Variants in PTPRZ1 observed in about 807,000 individuals in gnomAD.
PTPRZ1 encodes protein tyrosine phosphatase receptor type Z1, also known as receptor-type tyrosine-protein phosphatase zeta.
In PTPRZ1, 82 loss-of-function variants were observed where a neutral mutation model predicts 214.1. The ratio of observed to expected loss-of-function variants is 0.38; its 90% CI spans 0.32 to 0.46. PTPRZ1 has a LOEUF of 0.46. Ranked by LOEUF, PTPRZ1 falls within the 20% of genes least tolerant of loss-of-function variation. The probability of loss-of-function intolerance (pLI) is 1.00; values close to 1 mark genes in which losing one functional copy is unlikely to be tolerated. For missense variants in PTPRZ1, 2,603 were observed against 2,748.7 expected (o/e 0.95, Z 1.19); for synonymous variants, 945 against 987.9 (o/e 0.96, Z 0.81).
chr7:121,928,128 C>T, intron 1 of PTPRZ1, 28 bp from the exon 2 acceptor site: 1 of 1,527,810 alleles, frequency 6.5e-7, no homozygotes, highest in East Asian at 2.3e-5. Flanking sequence ...TTTCTACATA[C>T]TGATTACTTG....
At chr7:121,908,036 T>C (rs374418638) in intron 1 of PTPRZ1, among the ~76,000 whole-genome samples, 6 of 152,078 alleles carry the variant, frequency 3.9e-5, no homozygotes, top group Admixed American at 1.3e-4. Context: ...GATGTGAAAA[T>C]TGAACCAATG....
intron 8 of PTPRZ1, among the ~76,000 whole-genome samples, chr7:121,996,095 T>C (rs1798124557): frequency 6.6e-6 from 1 of 152,012 alleles, no homozygotes; most frequent in African/African-American, 2.4e-5. Flanking sequence ...CAATTGACAA[T>C]GACAGAGATC....
At chr7:121,919,249 T>C (rs1795520259) in intron 1 of PTPRZ1, among the ~76,000 whole-genome samples, 1 of 152,084 alleles carries the variant, frequency 6.6e-6, no homozygotes, top group African/African-American at 2.4e-5. Flanking sequence ...ACTGCTATCT[T>C]CACATTATTT....
At chr7:121,883,516 G>A (rs1241853947) in intron 1 of PTPRZ1, among the ~76,000 whole-genome samples, 1 of 152,152 alleles carries the variant, frequency 6.6e-6, no homozygotes, top group East Asian at 1.9e-4. Context: ...CCATAAACTA[G>A]CATCTTTGTA....
At chr7:122,002,838 G>C (rs1401078679) in intron 10 of PTPRZ1, among the ~76,000 whole-genome samples, 1 of 152,058 alleles carries the variant, frequency 6.6e-6, no homozygotes, top group African/African-American at 2.4e-5. Context: ...CCACTAATAA[G>C]TATTTGATTA....
At chr7:121,883,649 G>A (rs1300979554) in intron 1 of PTPRZ1, among the ~76,000 whole-genome samples, 4 of 152,128 alleles carry the variant, frequency 2.6e-5, no homozygotes, top group Non-Finnish European at 5.9e-5. Context: ...TTTTTGAGAC[G>A]GAGTTTCACT....
Position 121,973,412 on chromosome 7 carries a change from T to A in PTPRZ1, c.456+720T>A, listed in dbSNP as rs111695853. 5.4e-4 allele frequency among the ~76,000 whole-genome samples: 83 copies of A among 152,296 alleles called. 1 individual carries two copies. The highest frequency in any genetic ancestry group is 1.9e-3 in the African/African-American group (77 of 41,582). Reference sequence around the variant, plus strand: ...AACCAGTATTATTTTTGCAATTTTTTAATACATTAAAATTAATTAAATATT... The same window carrying A: ...AACCAGTATTATTTTTGCAATTTTTAAATACATTAAAATTAATTAAATATT... On this transcript the variant is annotated intron_variant, in intron 4 of 29. Transcript: ENST00000393386.
chr7:122,013,261 T>G lies in PTPRZ1; in HGVS notation c.4215T>G (p.Ser1405Arg), dbSNP rs772763614. 6.2e-7 allele frequency: 1 copy of G among 1,614,172 alleles called. No individual in the cohort carries two copies. The highest frequency in any genetic ancestry group is 8.5e-7 in the Non-Finnish European group (1 of 1,180,032). Residue 1405 changes from serine (S) to arginine (R), a missense_variant, in exon 12 of 30, where the codon AGT becomes AGG. By Grantham distance (110) the Ser-to-Arg change is moderately radical. Around this residue, in one of 6 missense-constraint regions of PTPRZ1, gnomAD observed 1,913 missense variants for 1,914.3 expected, o/e 1.00. Coordinates refer to ENST00000393386, the MANE Select transcript of PTPRZ1 (RefSeq NM_002851.3). ...AGGCAACTTCTGAGCTGAGTCATAG[T>G]GCCAAATCTGATGCCGGTTTAGTGG... ...PSKATSELSH[S>R]AKSDAGLVGG...
At chr7:122,046,345 T>C (rs1262054049) in intron 23 of PTPRZ1, among the ~76,000 whole-genome samples, 2 of 152,020 alleles carry the variant, frequency 1.3e-5, no homozygotes, top group East Asian at 1.9e-4. Context: ...AAGTTCAAGA[T>C]TACAGTGAGC....
chr7:121,938,189 C>G (rs1238106063), intron 2 of PTPRZ1, among the ~76,000 whole-genome samples: 1 of 152,066 alleles, frequency 6.6e-6, no homozygotes, highest in Non-Finnish European at 1.5e-5. Context: ...ACAACAACAA[C>G]AAAAAGCAGT....
intron 1 of PTPRZ1, among the ~76,000 whole-genome samples, chr7:121,904,629 A>T (rs1239421900): frequency 2.0e-5 from 3 of 152,214 alleles, no homozygotes; most frequent in Non-Finnish European, 4.4e-5. Flanking sequence ...TTCCTTATTT[A>T]TAAAAATGTT....
chr7:121,995,110 A>T (rs1798092468), intron 8 of PTPRZ1, among the ~76,000 whole-genome samples: 1 of 150,394 alleles, frequency 6.6e-6, no homozygotes, highest in African/African-American at 2.5e-5. Context: ...TATATGTAAA[A>T]TTTGTTTCCA....
chr7:122,051,780 GGAAAAGATGGTACAGTGCTGT>G, intron 24 of PTPRZ1, 65 bp from the exon 25 acceptor site: 1 of 1,240,032 alleles, frequency 8.1e-7, no homozygotes, highest in African/African-American at 1.5e-5. Flanking sequence ...TCTGGCATGG[GGAAAAGATGGTACAGTGCTGT>G]GAGCATGAGT....
chr7:122,004,057 A>G (rs1266102268), intron 10 of PTPRZ1, among the ~76,000 whole-genome samples: 1 of 152,126 alleles, frequency 6.6e-6, no homozygotes, highest in African/African-American at 2.4e-5. Flanking sequence ...TCTTCATTTT[A>G]CCTGGTGCAG....
In PTPRZ1 at chr7:122,010,708, G is replaced by T. The variant is rs1181972900; in HGVS notation, c.1662G>T (p.Ser554=). The T allele has an allele frequency of 1.2e-6, 2 of 1,613,860 alleles. No individual in the cohort carries two copies. Among genetic ancestry groups the T allele is most frequent in the Non-Finnish European group, 1.7e-6 (2 of 1,179,916 alleles). Residue 554 remains serine, a synonymous_variant, in exon 12 of 30, where the codon TCG becomes TCT. Coordinates refer to ENST00000393386, the MANE Select transcript of PTPRZ1 (RefSeq NM_002851.3). ...TVLRSPHMNL[S]GTAESLNTVS... is the part of the protein sequence containing the mutation. ...TTAGATCTCCACATATGAACTTGTC[G>T]GGGACTGCAGAATCCTTAAATACAG...
At chr7:121,962,549 T>G (rs1796913277) in intron 2 of PTPRZ1, among the ~76,000 whole-genome samples, 1 of 152,044 alleles carries the variant, frequency 6.6e-6, no homozygotes, top group Non-Finnish European at 1.5e-5. Context: ...ATGGTTCTTT[T>G]GTCTTTGTTT....
In PTPRZ1 at chr7:122,044,556, G is replaced by C; in HGVS notation, c.6072G>C (p.Glu2024Asp). ...IPGPAGKTKL[E>D]KQFQLLSQSN... ...GACCAGCAGGCAAAACAAAGCTAGA[G>C]AAACAATTCCAGGTGAGTCCTCTTG... is the stretch of plus-strand genomic sequence containing the variant. The change falls in exon 23 of 30, where the codon GAG (glutamate) becomes GAC (aspartate). Residue 2024 changes from glutamate to aspartate, a missense_variant. By Grantham distance (45) the Glu-to-Asp change is conservative. Transcript: ENST00000393386. 6.2e-7 allele frequency: 1 copy of C among 1,613,618 alleles called. No homozygotes were observed.
intron 10 of PTPRZ1, 98 bp from the exon 11 acceptor site, chr7:122,004,516 T>C: frequency 1.5e-6 from 1 of 674,946 alleles, no homozygotes; most frequent in Non-Finnish European, 2.5e-6. Context: ...ATTAACTTTT[T>C]TATTCTTTTT....
At chr7:121,953,457 G>A (rs1380397857) in intron 2 of PTPRZ1, among the ~76,000 whole-genome samples, 2 of 152,126 alleles carry the variant, frequency 1.3e-5, no homozygotes, top group Admixed American at 6.6e-5. Context: ...GTCACATAAT[G>A]TTTATTATTA....
Sources: allele counts gnomAD v4.1 joint callset (sites outside exome capture counted in the v4.1 genomes callset), GRCh38; gene constraint gnomAD v4.1.1; regional missense constraint gnomAD v4.1.1; transcripts MANE v1.5; gene names NCBI Gene and HGNC (gene_info 2026-07-23, HGNC 2026-07-21).